Variants in NEBL observed in about 807,000 individuals in gnomAD.
The protein encoded by NEBL is LIM and SH3 protein 2.
In NEBL, 122 loss-of-function variants were observed where a neutral mutation model predicts 140.2. The ratio of observed to expected loss-of-function variants is 0.87; its 90% CI spans 0.75 to 1.01. The LOEUF (loss-of-function observed/expected upper bound fraction) is 1.01. NEBL is among the 50% of genes least tolerant of loss of function. The probability of loss-of-function intolerance (pLI) is 0.00; values close to 1 mark genes in which losing one functional copy is unlikely to be tolerated. For missense variants in NEBL, 1,365 were observed against 1,231.3 expected, an observed-to-expected ratio of 1.11 and a Z score of -1.62; for synonymous variants, 436 against 398.9, an observed-to-expected ratio of 1.09 and a Z score of -1.11.
chr10:20,951,579 T>C (rs930039501), intron 4 of NEBL, among the ~76,000 whole-genome samples: 6 of 152,298 alleles, frequency 3.9e-5, no homozygotes, highest in Admixed American at 3.9e-4. Flanking sequence ...TAAATCTCTA[T>C]ACAATGTCTC....
At chr10:20,967,899 C>T (rs1308629572) in intron 3 of NEBL, among the ~76,000 whole-genome samples, 1 of 152,064 alleles carries the variant, frequency 6.6e-6, no homozygotes, top group Non-Finnish European at 1.5e-5. Context: ...AGCAGGGACG[C>T]AGTTTTAAAA....
intron 3 of NEBL, among the ~76,000 whole-genome samples, chr10:20,989,463 C>T (rs1021171401): frequency 3.3e-5 from 5 of 152,106 alleles, no homozygotes; most frequent in African/African-American, 7.2e-5. Context: ...ATAGCTTCAA[C>T]GTAACTCCAA....
At chr10:21,054,390 G>T (rs552831508) in intron 2 of NEBL, among the ~76,000 whole-genome samples, 1 of 152,140 alleles carries the variant, frequency 6.6e-6, no homozygotes, top group East Asian at 1.9e-4. Flanking sequence ...AGCTGGCATT[G>T]TCCGGAACGT....
At chr10:20,872,853 G>C (rs1355819626) in intron 5 of NEBL, among the ~76,000 whole-genome samples, 1 of 152,172 alleles carries the variant, frequency 6.6e-6, no homozygotes, top group Non-Finnish European at 1.5e-5. Context: ...CTAAAAAGGG[G>C]AGGCATGAAT....
chr10:21,213,058 G>T (rs1290384927), intron 3 of NEBL, among the ~76,000 whole-genome samples: 2 of 151,948 alleles, frequency 1.3e-5, no homozygotes, highest in South Asian at 2.1e-4. Context: ...CATGTGCCAG[G>T]CACCGGTTGG....
intron 2 of NEBL, among the ~76,000 whole-genome samples, chr10:21,152,155 T>C (rs754886486): frequency 6.6e-6 from 1 of 152,174 alleles, no homozygotes; most frequent in Non-Finnish European, 1.5e-5. Flanking sequence ...CTGCGAGGAA[T>C]GCAGGCGGAG....
chr10:20,817,734 G>GCTCCACTGAAATACCACAAAGGA, intron 20 of NEBL, 42 bp from the exon 21 acceptor site: 1 of 1,446,070 alleles, frequency 6.9e-7, no homozygotes, highest in South Asian at 1.1e-5. Context: ...AGCACAATGG[G>GCTCCACTGAAATACCACAAAGGA]CTCCACTGAA....
chr10:21,288,852 AAAT>A (rs201442080), intron 1 of NEBL, among the ~76,000 whole-genome samples: 10,986 of 97,696 alleles, frequency 0.11, 857 homozygotes, highest in African/African-American at 0.14. Flanking sequence ...ATATATATAA[AAAT>A]TTTTTTTTTT....
intron 11 of NEBL, 184 bp from the exon 12 acceptor site, chr10:20,845,552 A>G: frequency 1.8e-6 from 1 of 553,388 alleles, no homozygotes; most frequent in Non-Finnish European, 3.2e-6. Flanking sequence ...TACCAAACAA[A>G]GGAGAATTAT....
chr10:21,081,863 CATG>C (rs1304048488), intron 2 of NEBL, among the ~76,000 whole-genome samples: 1 of 152,102 alleles, frequency 6.6e-6, no homozygotes, highest in Non-Finnish European at 1.5e-5. Flanking sequence ...AGAAATAAAT[CATG>C]ATAGTGATGG....
At chr10:21,112,379 G>A (rs1461808662) in intron 2 of NEBL, among the ~76,000 whole-genome samples, 1 of 152,120 alleles carries the variant, frequency 6.6e-6, no homozygotes, top group Non-Finnish European at 1.5e-5. Context: ...AGAAAATGTG[G>A]CACATATGCA....
chr10:20,993,030 G>A (rs1015644750), intron 3 of NEBL, among the ~76,000 whole-genome samples: 3 of 151,612 alleles, frequency 2.0e-5, no homozygotes, highest in African/African-American at 7.3e-5. Context: ...TGATCTGCCC[G>A]CCTCGGCCTC....
intron 17 of NEBL, among the ~76,000 whole-genome samples, chr10:20,826,964 GA>G (rs1465835896): frequency 6.6e-6 from 1 of 152,102 alleles, no homozygotes; most frequent in Non-Finnish European, 1.5e-5. Context: ...CAAACACAAG[GA>G]TGCCCACATT....
intron 3 of NEBL, among the ~76,000 whole-genome samples, chr10:21,232,950 ATC>A (rs999664532): frequency 6.6e-6 from 1 of 152,234 alleles, no homozygotes; most frequent in African/African-American, 2.4e-5. Context: ...AAAGTAGTCA[ATC>A]TCAGGGTATA....
At chr10:20,815,950 T>C in intron 21 of NEBL, 1 of 482,606 alleles carries the variant, frequency 2.1e-6, no homozygotes, top group South Asian at 2.1e-5. Context: ...TGTATTTTTG[T>C]AGAGATTGAG....
chr10:21,251,428 T>C (rs1842587810), intron 2 of NEBL, among the ~76,000 whole-genome samples: 1 of 152,160 alleles, frequency 6.6e-6, no homozygotes. Flanking sequence ...CAGATGAATG[T>C]TCAGTATTTA....
intron 2 of NEBL, among the ~76,000 whole-genome samples, chr10:21,152,976 C>T (rs969741064): frequency 2.0e-5 from 3 of 152,200 alleles, no homozygotes; most frequent in African/African-American, 7.2e-5. Context: ...TTGGTCTCAA[C>T]CTCCCTTTTC....
At chr10:20,979,392 A>G (rs1018951891) in intron 3 of NEBL, among the ~76,000 whole-genome samples, 1 of 152,170 alleles carries the variant, frequency 6.6e-6, no homozygotes, top group Non-Finnish European at 1.5e-5. Context: ...GTCCTTTGAG[A>G]GCATGAAAGA....
At chr10:21,042,227 GGTACATACTCT>G (rs1343725996) in intron 2 of NEBL, among the ~76,000 whole-genome samples, 1 of 152,124 alleles carries the variant, frequency 6.6e-6, no homozygotes, top group Non-Finnish European at 1.5e-5. Flanking sequence ...AACCTTATGA[GGTACATACTCT>G]CATTTTCCTC....
Sources: allele counts gnomAD v4.1 joint callset (sites outside exome capture counted in the v4.1 genomes callset), GRCh38; gene constraint gnomAD v4.1.1; transcripts MANE v1.5; gene names NCBI Gene and HGNC (gene_info 2026-07-23, HGNC 2026-07-21).